Variants in EEPD1 observed in about 807,000 individuals in gnomAD.
EEPD1 encodes endonuclease/exonuclease/phosphatase family domain containing 1.
Under a neutral mutation model 46.3 loss-of-function variants are expected in EEPD1, and 17 were observed. That is an observed-to-expected ratio of 0.37 (90% CI 0.25 to 0.55). EEPD1 has a LOEUF of 0.55. EEPD1 is among the 20% of genes least tolerant of loss of function. The pLI, the probability that EEPD1 is intolerant of heterozygous loss-of-function variation, is 0.83. For synonymous variants in EEPD1, 313 were observed against 315.6 expected (o/e 0.99, Z 0.09); for missense variants, 673 against 745.6 (o/e 0.90, Z 1.13).
chr7:36,249,869 T>TA (rs903756415), intron 3 of EEPD1, among the ~76,000 whole-genome samples: 2 of 151,944 alleles, frequency 1.3e-5, no homozygotes, highest in East Asian at 3.8e-4. Flanking sequence ...ATAAGTGCTT[T>TA]AAAAAAAACA....
At chr7:36,212,969 A>G (rs1433373817) in intron 2 of EEPD1, among the ~76,000 whole-genome samples, 1 of 152,164 alleles carries the variant, frequency 6.6e-6, no homozygotes, top group African/African-American at 2.4e-5. Context: ...CCTGGCCAAC[A>G]TGATGAAACC....
chr7:36,299,289 G>A lies in EEPD1; in HGVS notation c.*83G>A. The A allele has an allele frequency of 6.9e-7, 1 of 1,443,774 alleles. No individual in the cohort carries two copies. Among genetic ancestry groups the A allele is most frequent in the East Asian group, 2.5e-5 (1 of 40,816 alleles). 89.4% of individuals were successfully genotyped at this position (1,443,774 alleles called of 1,614,324 possible). On this transcript the variant is annotated 3_prime_UTR_variant, in exon 8 of 8. Transcript: ENST00000242108. The stretch of plus-strand genomic sequence containing the variant: ...CCCTGTGGGGTGACGCTTCAGGGCA[G>A]AGCTGCCTTTTAATTTTTATTCTCA...
intron 3 of EEPD1, among the ~76,000 whole-genome samples, chr7:36,265,321 A>G (rs753563092): frequency 7.3e-5 from 11 of 150,056 alleles, no homozygotes; most frequent in Non-Finnish European, 1.3e-4. Context: ...ACAGAGTGAC[A>G]ATTCCTGAAC....
intron 2 of EEPD1, among the ~76,000 whole-genome samples, chr7:36,159,395 G>A (rs1193964704): frequency 3.3e-5 from 5 of 152,166 alleles, no homozygotes; most frequent in Admixed American, 2.0e-4. Context: ...GCAGCCAGAC[G>A]TAACATCTGG....
chr7:36,188,204 ACT>A (rs551796861), intron 2 of EEPD1, among the ~76,000 whole-genome samples: 1 of 150,720 alleles, frequency 6.6e-6, no homozygotes, highest in East Asian at 2.0e-4. Context: ...TCTCTATCTT[ACT>A]CTCTCTTTCT....
intron 2 of EEPD1, among the ~76,000 whole-genome samples, chr7:36,175,437 G>T (rs1030530644): frequency 6.6e-6 from 1 of 152,044 alleles, no homozygotes; most frequent in African/African-American, 2.4e-5. Flanking sequence ...TCACCATGTT[G>T]CCCTGGCTGG....
At chr7:36,255,919 G>A (rs1203853144) in intron 3 of EEPD1, among the ~76,000 whole-genome samples, 1 of 152,064 alleles carries the variant, frequency 6.6e-6, no homozygotes, top group Non-Finnish European at 1.5e-5. Context: ...TGTGATGTGA[G>A]GGTGTCAATT....
intron 2 of EEPD1, among the ~76,000 whole-genome samples, chr7:36,222,693 G>C (rs1225948356): frequency 2.6e-5 from 4 of 152,194 alleles, no homozygotes; most frequent in Non-Finnish European, 2.9e-5. Context: ...GGCTAATTCA[G>C]TGTCTGGCAA....
chr7:36,244,152 A>G (rs187430423), intron 3 of EEPD1, among the ~76,000 whole-genome samples: 1,612 of 152,282 alleles, frequency 0.011, 8 homozygotes, highest in South Asian at 0.029. Flanking sequence ...TTTTACTGTC[A>G]TGCAGCTGAG....
In EEPD1 at chr7:36,158,681, A is replaced by G. The variant is rs372991361; in HGVS notation, c.878+3479A>G. ...TTTTGCCAAATCTCAGTCTTAGGCA[A>G]TACTCTTCCTTGTTCGGTATTTATG... On this transcript the variant is annotated intron_variant, in intron 2 of 7. Transcript: ENST00000242108. 9.2e-5 allele frequency among the ~76,000 whole-genome samples: 14 copies of G among 152,358 alleles called. No individual in the cohort carries two copies. The East Asian group carries it at 2.3e-3, about 25-fold the overall frequency.
In EEPD1 at chr7:36,227,889, T is replaced by C. The variant is rs554689167; in HGVS notation, c.879-11096T>C. On this transcript the variant is annotated intron_variant, in intron 2 of 7. Transcript: ENST00000242108. ...TTTTAGTAGAGAAGGGGTTTCACCA[T>C]GTTGGTCAGGCTGGTCTCAAACTCC... is the stretch of plus-strand genomic sequence containing the variant. Among the ~76,000 whole-genome samples, 30 of 152,254 alleles carry C rather than the reference T, an allele frequency of 2.0e-4. 1 individual carries two copies. Among genetic ancestry groups the C allele is most frequent in the Admixed American group, 1.3e-3 (20 of 15,300 alleles).
rs1036254374 is a variant in EEPD1, at chr7:36,153,619, C to G, written c.-248C>G. 2.6e-5 allele frequency: 4 copies of G among 152,536 alleles called. No individual in the cohort carries two copies. The allele number at this position is 152,536 out of a possible 1,614,324, so 9.4% of individuals were successfully genotyped here. ...GGCCCGTGCTGTCCCGGGCTGGGCT[C>G]AGGCTTCCGAGCCGCAGGTGGAAGA... On this transcript the variant is annotated 5_prime_UTR_variant, in exon 1 of 8. Coordinates refer to ENST00000242108, the MANE Select transcript of EEPD1 (RefSeq NM_030636.3).
rs756353085 is a variant in EEPD1, at chr7:36,155,089, G to A, written c.765G>A (p.Arg255=). 1.1e-5 allele frequency: 17 copies of A among 1,584,950 alleles called. No homozygotes were observed. Among genetic ancestry groups the A allele is most frequent in the East Asian group, 2.2e-5 (1 of 44,666 alleles). Reference sequence around the variant, plus strand: ...CCGTGGAGGCCTTTGGAGGCACAAGGGATGGGAGGCCTGTGCTGAGGCTGG... The same window carrying A: ...CCGTGGAGGCCTTTGGAGGCACAAGAGATGGGAGGCCTGTGCTGAGGCTGG... ...RPSVEAFGGT[R]DGRPVLRLAT... is the part of the protein sequence containing the mutation. The change falls in exon 2 of 8, where the codon AGG becomes AGA. Residue 255 remains arginine, a synonymous_variant. Transcript: ENST00000242108.
intron 2 of EEPD1, among the ~76,000 whole-genome samples, chr7:36,215,595 G>A (rs776430653): frequency 1.3e-4 from 20 of 152,246 alleles, no homozygotes; most frequent in Non-Finnish European, 2.5e-4. Context: ...GAAGAGGGAT[G>A]CCCACTTGCA....
intron 2 of EEPD1, among the ~76,000 whole-genome samples, chr7:36,194,539 TATCAG>T (rs1260091366): frequency 6.6e-6 from 1 of 152,198 alleles, no homozygotes; most frequent in African/African-American, 2.4e-5. Context: ...ATTTCCCTTG[TATCAG>T]AACCTAAGTC....
At chr7:36,239,090 C>T (rs1786508574) in intron 3 of EEPD1, 54 bp downstream of exon 3, 1 of 1,571,894 alleles carries the variant, frequency 6.4e-7, no homozygotes, top group Non-Finnish European at 8.7e-7. Context: ...GAGGGCCACA[C>T]ATAAGAAAAA....
chr7:36,213,811 C>G (rs1168045157), intron 2 of EEPD1, among the ~76,000 whole-genome samples: 1 of 152,260 alleles, frequency 6.6e-6, no homozygotes, highest in South Asian at 2.1e-4. Flanking sequence ...CGTGTACCCC[C>G]CCGGATTGTC....
intron 3 of EEPD1, among the ~76,000 whole-genome samples, chr7:36,269,638 G>A (rs931954845): frequency 3.3e-5 from 5 of 152,208 alleles, no homozygotes; most frequent in South Asian, 2.1e-4. Context: ...GCTCACGCCC[G>A]GAATCCCAGT....
intron 3 of EEPD1, among the ~76,000 whole-genome samples, chr7:36,248,994 AACACAC>A (rs71553052): frequency 3.3e-4 from 45 of 135,420 alleles, no homozygotes; most frequent in East Asian, 4.5e-4. Flanking sequence ...TGGTTCATTA[AACACAC>A]ACACACACAC....
Sources: gnomAD v4.1 joint callset for allele counts (sites outside exome capture counted in the v4.1 genomes callset) on GRCh38, gnomAD v4.1.1 for gene constraint, MANE v1.5 for transcripts, NCBI Gene and HGNC (gene_info 2026-07-23, HGNC 2026-07-21) for gene names.